The following JAKMIP1 variants were observed in gnomAD, a reference collection of about 807,000 sequenced individuals.
JAKMIP1 encodes janus kinase and microtubule interacting protein 1, also known as janus kinase and microtubule-interacting protein 1.
In JAKMIP1, 33 loss-of-function variants were observed where a neutral mutation model predicts 113.0. The ratio of observed to expected loss-of-function variants is 0.29; its 90% CI spans 0.22 to 0.39. The LOEUF (loss-of-function observed/expected upper bound fraction) is 0.39. Ranked by LOEUF, JAKMIP1 falls within the 10% of genes least tolerant of loss-of-function variation. The probability of loss-of-function intolerance (pLI) is 1.00; values close to 1 mark genes in which losing one functional copy is unlikely to be tolerated. For synonymous variants in JAKMIP1, 480 were observed against 459.9 expected (o/e 1.04, Z -0.56); for missense variants, 813 against 1,080.5 (o/e 0.75, Z 3.47).
At position 6,136,153 on chromosome 4, in the gene JAKMIP1, G is replaced by T. The variant is rs1473166611; in HGVS notation, c.-147-23156C>A. Among the ~76,000 whole-genome samples, 1 of 152,076 alleles carries T rather than the reference G, an allele frequency of 6.6e-6. No individual in the cohort carries two copies. The highest frequency in any genetic ancestry group is 2.4e-5 in the African/African-American group (1 of 41,370). ...CCCAGCTGCTGGGGAGGCTGAGGCAGGAGAATCACTTGAACCCAGGAAATG... is the reference window on the plus strand; with the variant it reads ...CCCAGCTGCTGGGGAGGCTGAGGCATGAGAATCACTTGAACCCAGGAAATG... On this transcript the variant is annotated intron_variant, in intron 1 of 20. Coordinates refer to ENST00000409021, the MANE Select transcript of JAKMIP1 (RefSeq NM_001099433.2). This position sits in a 1 kb window ranked among gnomAD's most constrained non-coding sequence, Gnocchi z 5.9.
intron 2 of JAKMIP1, among the ~76,000 whole-genome samples, chr4:6,107,810 C>A (rs1714214498): frequency 6.6e-6 from 1 of 152,134 alleles, no homozygotes. Flanking sequence ...AGAACCCTGA[C>A]TACACAACCT....
chr4:6,060,445 C>T lies in JAKMIP1; in HGVS notation c.1623G>A (p.Lys541=), dbSNP rs1717104218. The change falls in exon 11 of 21, where the codon AAG becomes AAA. Residue 541 remains lysine (K), a synonymous_variant. Coordinates refer to ENST00000409021, the MANE Select transcript of JAKMIP1 (RefSeq NM_001099433.2). The part of the protein sequence containing the change: ...RCQAKIEDLE[K]LLVEKGQDSK... ...TCACCTGTCCCTTCTCAACCAGTAA[C>T]TTCTCCAAATCTTCGATTTTGGCCT... 1.2e-6 allele frequency: 2 copies of T among 1,613,912 alleles called. No homozygotes were observed. The highest frequency in any genetic ancestry group is 1.7e-6 in the Non-Finnish European group (2 of 1,179,760).
intron 1 of JAKMIP1, among the ~76,000 whole-genome samples, chr4:6,171,195 TCACCACCATCACCATCATC>T (rs1724635080): frequency 7.3e-6 from 1 of 136,210 alleles, no homozygotes; most frequent in Admixed American, 7.1e-5. Flanking sequence ...ATCACCATCA[TCACCACCATCACCATCATC>T]ACCACCACCA....
intron 2 of JAKMIP1, among the ~76,000 whole-genome samples, chr4:6,112,435 G>A (rs1403208715): frequency 1.3e-5 from 2 of 152,308 alleles, no homozygotes; most frequent in African/African-American, 4.8e-5. Context: ...CTGCTAAACT[G>A]AATTTGTCAA....
chr4:6,061,942 G>A lies in JAKMIP1; in HGVS notation c.1560+370C>T, dbSNP rs1324886645. Among the ~76,000 whole-genome samples, 1 of 152,204 alleles carries A rather than the reference G, an allele frequency of 6.6e-6. No homozygotes were observed. Among genetic ancestry groups the A allele is most frequent in the Non-Finnish European group, 1.5e-5 (1 of 68,032 alleles). On this transcript the variant is annotated intron_variant, in intron 10 of 20. Coordinates refer to ENST00000409021, the MANE Select transcript of JAKMIP1 (RefSeq NM_001099433.2). This position sits in a 1 kb window ranked among gnomAD's most constrained non-coding sequence, Gnocchi z 5.3. Reference sequence around the variant, plus strand: ...TGAGAGTCCCTGCAAGTGTTCTGGTGGATGTCCTGGAGGGCGGGGGGCTGG... The same window carrying A: ...TGAGAGTCCCTGCAAGTGTTCTGGTAGATGTCCTGGAGGGCGGGGGGCTGG...
intron 1 of JAKMIP1, among the ~76,000 whole-genome samples, chr4:6,182,464 G>C (rs1726156416): frequency 1.3e-5 from 2 of 151,468 alleles, no homozygotes; most frequent in African/African-American, 4.8e-5. Context: ...AAAAAAAGGA[G>C]GGGGACACAA....
Position 6,142,743 on chromosome 4 carries a change from C to T in JAKMIP1, c.-147-29746G>A, listed in dbSNP as rs1034386856. On this transcript the variant is annotated intron_variant, in intron 1 of 20. Coordinates refer to ENST00000409021, the MANE Select transcript of JAKMIP1 (RefSeq NM_001099433.2). This position sits in a 1 kb window ranked among gnomAD's most constrained non-coding sequence, Gnocchi z 5.5. ...GGGTGCTCTGGCCCCGGGGCCTGGC[C>T]GCAGGCAGAGATCAGTTCATGAAGG... Among the ~76,000 whole-genome samples, 3 of 152,146 alleles carry T rather than the reference C, an allele frequency of 2.0e-5. No individual in the cohort carries two copies. Among genetic ancestry groups the T allele is most frequent in the Admixed American group, 6.5e-5 (1 of 15,276 alleles).
At chr4:6,123,661 A>T (rs1316327580) in intron 1 of JAKMIP1, among the ~76,000 whole-genome samples, 1 of 152,154 alleles carries the variant, frequency 6.6e-6, no homozygotes, top group Non-Finnish European at 1.5e-5. Flanking sequence ...CTCTACAAAA[A>T]AATGTAAAAG....
Position 6,081,474 on chromosome 4 carries a change from A to G in JAKMIP1, c.1101+135T>C, listed in dbSNP as rs1014592071. ...GAGAAAGGCGAGACATCTGTGACTG[A>G]CACTGTGCCTGGTGCTTTGTGGGGA... is the stretch of plus-strand genomic sequence containing the variant. On this transcript the variant is annotated intron_variant, in intron 6 of 20. Transcript: ENST00000409021. This position sits in a 1 kb window ranked among gnomAD's most constrained non-coding sequence, Gnocchi z 4.6. 2.2e-6 allele frequency: 2 copies of G among 928,740 alleles called. No individual in the cohort carries two copies. Among genetic ancestry groups the G allele is most frequent in the Non-Finnish European group, 3.3e-6 (2 of 603,156 alleles). 57.5% of individuals were successfully genotyped at this position (928,740 alleles called of 1,614,324 possible).
intron 1 of JAKMIP1, among the ~76,000 whole-genome samples, chr4:6,113,746 C>G (rs1005173417): frequency 1.3e-5 from 2 of 152,242 alleles, no homozygotes; most frequent in Admixed American, 6.5e-5. Flanking sequence ...CCCTTCACCA[C>G]GTCTCCTTCT....
intron 1 of JAKMIP1, among the ~76,000 whole-genome samples, chr4:6,147,932 T>C (rs1017180982): frequency 6.6e-6 from 1 of 152,268 alleles, no homozygotes; most frequent in African/African-American, 2.4e-5. Context: ...TGGAGGATGC[T>C]GTTCTCAGCA....
At chr4:6,152,651 G>T (rs1721711477) in intron 1 of JAKMIP1, among the ~76,000 whole-genome samples, 1 of 152,006 alleles carries the variant, frequency 6.6e-6, no homozygotes, top group Non-Finnish European at 1.5e-5. Context: ...TCACAGAAGT[G>T]GGCATCCTGG....
rs1454042549 is a variant in JAKMIP1 at position 6,155,730 on chromosome 4, C to T, written c.-147-42733G>A. Among the ~76,000 whole-genome samples the T allele has an allele frequency of 1.3e-5, 2 of 152,152 alleles. No homozygotes were observed. The highest frequency in any genetic ancestry group is 2.4e-5 in the African/African-American group (1 of 41,440). On this transcript the variant is annotated intron_variant, in intron 1 of 20. Coordinates refer to ENST00000409021, the MANE Select transcript of JAKMIP1 (RefSeq NM_001099433.2). This position sits in a 1 kb window ranked among gnomAD's most constrained non-coding sequence, Gnocchi z 6.1. Reference sequence around the variant, plus strand: ...TATGTCCCATGGCACATTTATAGAACGGGATATTATAGTGTCCTTTAAGCT... The same window carrying T: ...TATGTCCCATGGCACATTTATAGAATGGGATATTATAGTGTCCTTTAAGCT...
intron 3 of JAKMIP1, among the ~76,000 whole-genome samples, chr4:6,096,224 G>C (rs1711729348): frequency 6.6e-6 from 1 of 152,224 alleles, no homozygotes; most frequent in African/African-American, 2.4e-5. Context: ...TGGCTAATTT[G>C]ATTGGGTATG....
At chr4:6,174,747 C>T (rs1196435185) in intron 1 of JAKMIP1, among the ~76,000 whole-genome samples, 2 of 151,938 alleles carry the variant, frequency 1.3e-5, no homozygotes, top group African/African-American at 4.8e-5. Context: ...CCCACCCCCT[C>T]CCTGCTCATA....
At chr4:6,079,687 G>A (rs967844494) in intron 7 of JAKMIP1, among the ~76,000 whole-genome samples, 27 of 152,182 alleles carry the variant, frequency 1.8e-4, no homozygotes, top group African/African-American at 4.8e-4. Flanking sequence ...ATAGATGCAC[G>A]CCCCATATAC....
chr4:6,063,203 T>C (rs1717563180), intron 9 of JAKMIP1, among the ~76,000 whole-genome samples: 1 of 151,546 alleles, frequency 6.6e-6, no homozygotes, highest in South Asian at 2.1e-4. Flanking sequence ...GCTCCATGCA[T>C]GGTTCACAGG....
In JAKMIP1 at chr4:6,042,655, A is replaced by G. The variant is rs930378785; in HGVS notation, c.2029-428T>C. On this transcript the variant is annotated intron_variant, in intron 16 of 20. Transcript: ENST00000409021. The surrounding 1 kb of genome is among the most constrained non-coding windows in gnomAD (Gnocchi z 5.2). The stretch of plus-strand genomic sequence containing the variant: ...TCACCCCTATTTTGCAGGTAAAGAC[A>G]TGGAGGCTGAGTTAAGTAACTTGTC... Among the ~76,000 whole-genome samples, 4 of 151,982 alleles carry G rather than the reference A, an allele frequency of 2.6e-5. No homozygotes were observed. The highest frequency in any genetic ancestry group is 5.9e-5 in the Non-Finnish European group (4 of 67,986).
chr4:6,077,482 C>CTT (rs34339999), intron 8 of JAKMIP1, among the ~76,000 whole-genome samples: 1 of 81,546 alleles, frequency 1.2e-5, no homozygotes, highest in African/African-American at 5.0e-5. Flanking sequence ...ATTTCCTTTC[C>CTT]TTTTTTTTTT....
Sources: allele counts gnomAD v4.1 joint callset (sites outside exome capture counted in the v4.1 genomes callset), GRCh38; gene constraint gnomAD v4.1.1; non-coding constraint Gnocchi (gnomAD v3.1); transcripts MANE v1.5; gene names NCBI Gene and HGNC (gene_info 2026-07-23, HGNC 2026-07-21).